Variants in GLYR1 observed in about 807,000 individuals in gnomAD.
GLYR1 encodes glyoxylate reductase 1 homolog.
A neutral mutation model predicts 72.7 loss-of-function variants in GLYR1; 21 were observed. The observed-to-expected ratio is 0.29, with a 90% confidence interval of 0.20 to 0.42. The LOEUF (loss-of-function observed/expected upper bound fraction) is 0.42. Ranked by LOEUF, GLYR1 falls within the 10% of genes least tolerant of loss-of-function variation. The pLI is 1.00. For missense variants in GLYR1, 594 were observed against 712.1 expected (o/e 0.83, Z 1.89); for synonymous variants, 392 against 270.2 (o/e 1.45, Z -4.42).
At chr16:4,808,365 G>A (rs1443174656) in intron 15 of GLYR1, among the ~76,000 whole-genome samples, 1 of 152,202 alleles carries the variant, frequency 6.6e-6, no homozygotes, top group Non-Finnish European at 1.5e-5. Flanking sequence ...GGTAGGCTGA[G>A]GTGGGTGGAT....
At chr16:4,828,622 C>G (rs750309862) in intron 5 of GLYR1, among the ~76,000 whole-genome samples, 3 of 152,070 alleles carry the variant, frequency 2.0e-5, no homozygotes, top group Non-Finnish European at 2.9e-5. Context: ...CTCTGGGGTT[C>G]TCACTGTACA....
rs939340607 is a variant in GLYR1 at position 4,803,858 on chromosome 16, C to A, written c.*1378G>T. The A allele has an allele frequency of 6.6e-6, 1 of 152,240 alleles. No homozygotes were observed. The highest frequency in any genetic ancestry group is 1.5e-5 in the Non-Finnish European group (1 of 68,036). The allele number at this position is 152,240 out of a possible 1,614,324, so 9.4% of individuals were successfully genotyped here. A position where few individuals can be genotyped will look rare whatever the true frequency, so the allele number is the denominator to read the frequency against. On this transcript the variant is annotated 3_prime_UTR_variant, in exon 16 of 16. Coordinates refer to ENST00000321919, the MANE Select transcript of GLYR1 (RefSeq NM_032569.4). The stretch of plus-strand genomic sequence containing the variant: ...TCTGCAAATTATGATTTTGGAAAAT[C>A]CAACCCATGCAGAGGGATAAAAAAC...
At chr16:4,846,232 A>C in intron 1 of GLYR1, 22 bp from the exon 2 acceptor site, 1 of 1,613,768 alleles carries the variant, frequency 6.2e-7, no homozygotes, top group Non-Finnish European at 8.5e-7. Context: ...ACAAAGAGTC[A>C]ACACTTGCCC....
intron 15 of GLYR1, among the ~76,000 whole-genome samples, chr16:4,806,795 ATTCT>A (rs2083006452): frequency 6.6e-6 from 1 of 151,182 alleles, no homozygotes; most frequent in Non-Finnish European, 1.5e-5. Flanking sequence ...TGAAACTGGA[ATTCT>A]TTTTTCTTTT....
intron 5 of GLYR1, among the ~76,000 whole-genome samples, chr16:4,830,404 G>C (rs1394706649): frequency 1.3e-5 from 2 of 152,054 alleles, no homozygotes; most frequent in Non-Finnish European, 2.9e-5. Context: ...GGCAGAAGCT[G>C]GCTAGAACCC....
In GLYR1 at chr16:4,812,126, G is replaced by C; in HGVS notation, c.1242C>G (p.Ser414Arg). The change falls in exon 13 of 16, where the codon AGC (serine) becomes AGG (arginine). Residue 414 changes from serine (S) to arginine (R), a missense_variant. Coordinates refer to ENST00000321919, the MANE Select transcript of GLYR1 (RefSeq NM_032569.4). ...AGDRGLYEDC[S>R]SCFQAMGKTS... is the part of the protein sequence containing the mutation. ...TCTTCCCCATCGCCTGGAAGCAGCT[G>C]CTGCAGTCCTCATATAAGCCCCTGT... 6.2e-7 allele frequency: 1 copy of C among 1,614,182 alleles called. No homozygotes were observed. Among genetic ancestry groups the C allele is most frequent in the African/African-American group, 1.3e-5 (1 of 75,054 alleles).
chr16:4,813,706 G>T, intron 12 of GLYR1, 31 bp downstream of exon 12: 1 of 1,540,376 alleles, frequency 6.5e-7, no homozygotes, highest in Non-Finnish European at 8.8e-7. Flanking sequence ...TAGAAAAGAT[G>T]CTGGAGAGCC....
intron 1 of GLYR1, chr16:4,846,885 G>C: frequency 2.7e-6 from 1 of 373,770 alleles, no homozygotes; most frequent in Non-Finnish European, 4.8e-6. Flanking sequence ...TCTGCTTTCT[G>C]GGAAGCCCCA....
chr16:4,827,102 C>T (rs1254783333), intron 5 of GLYR1, among the ~76,000 whole-genome samples: 2 of 152,242 alleles, frequency 1.3e-5, no homozygotes, highest in African/African-American at 4.8e-5. Flanking sequence ...AGACGCAAAC[C>T]CAGCCTTTCC....
chr16:4,824,511 A>AG (rs1391506015), intron 5 of GLYR1, among the ~76,000 whole-genome samples: 2 of 151,404 alleles, frequency 1.3e-5, no homozygotes, highest in South Asian at 2.1e-4. Context: ...AAAAAAAAAA[A>AG]AAAAGAAAAA....
chr16:4,806,918 T>G (rs1308072255), intron 15 of GLYR1, among the ~76,000 whole-genome samples: 3 of 148,410 alleles, frequency 2.0e-5, no homozygotes, highest in Non-Finnish European at 4.5e-5. Context: ...GCCATTCTCC[T>G]GCTTCAGCCT....
At chr16:4,817,525 C>G in intron 10 of GLYR1, 73 bp downstream of exon 10, 1 of 880,462 alleles carries the variant, frequency 1.1e-6, no homozygotes, top group Non-Finnish European at 1.9e-6. Flanking sequence ...GCTGAGACAA[C>G]AGGGGGAGAT....
Position 4,841,977 on chromosome 16 carries a change from C to A in GLYR1, c.155+3097G>T, listed in dbSNP as rs999547212. Among the ~76,000 whole-genome samples the A allele has an allele frequency of 7.2e-5, 11 of 152,288 alleles. No homozygotes were observed. The East Asian group carries it at 1.9e-3, about 27-fold the overall frequency. The stretch of plus-strand genomic sequence containing the variant: ...CCATCTCTGGCTGAGTGCGATGGCT[C>A]ACGCCTGTAATCCCAGCACTTTGGG... On this transcript the variant is annotated intron_variant, in intron 3 of 15. Transcript: ENST00000321919.
intron 3 of GLYR1, among the ~76,000 whole-genome samples, chr16:4,834,706 T>G (rs565021933): frequency 6.6e-6 from 1 of 152,002 alleles, no homozygotes; most frequent in Admixed American, 6.6e-5. Flanking sequence ...CCTCCAGTGA[T>G]CCACCTGCCT....
At chr16:4,817,908 TAAA>T (rs2083751588) in intron 9 of GLYR1, 1 of 527,174 alleles carries the variant, frequency 1.9e-6, no homozygotes, top group South Asian at 2.3e-5. Context: ...TCCCAGGATG[TAAA>T]CAGGCATTTT....
Position 4,832,694 on chromosome 16 carries a change from T to C in GLYR1, c.294+80A>G, listed in dbSNP as rs142687858. The C allele has an allele frequency of 4.7e-4, 684 of 1,443,060 alleles. 4 individuals are homozygous for C. In the African/African-American group the frequency reaches 8.2e-3, roughly 17 times the overall value. 89.4% of individuals were successfully genotyped at this position (1,443,060 alleles called of 1,614,324 possible). A position where few individuals can be genotyped will look rare whatever the true frequency, so the allele number is the denominator to read the frequency against. On this transcript the variant is annotated intron_variant, in intron 4 of 15. Transcript: ENST00000321919. ...TTTCAGAAGAACAAAGGTTTGCGTT[T>C]GGGTGACATTTAATCTGTTAGTTGC...
Position 4,846,199 on chromosome 16 carries a change from C to A in GLYR1, c.50G>T (p.Gly17Val). The A allele has an allele frequency of 6.2e-7, 1 of 1,613,940 alleles. No individual in the cohort carries two copies. The highest frequency in any genetic ancestry group is 8.5e-7 in the Non-Finnish European group (1 of 1,179,882). The change falls in exon 2 of 16, where the codon GGC (glycine) becomes GTC (valine). Residue 17 changes from glycine (G) to valine (V), a missense_variant. Gly to Val is a moderately radical substitution (Grantham distance 109). Around this residue, in one of 5 missense-constraint regions of GLYR1, gnomAD observed 62 missense variants for 82.5 expected, o/e 0.75. Transcript: ENST00000321919. ...CTTTCCTGGCCAAGGAGGATATCGG[C>A]CGAGTTTCCCCCTAGAGAAAACACA... is the stretch of plus-strand genomic sequence containing the variant. ...RLGDLVWGKL[G>V]RYPPWPGKIV...
chr16:4,830,426 C>T (rs76824510), intron 5 of GLYR1, among the ~76,000 whole-genome samples: 210 of 152,236 alleles, frequency 1.4e-3, no homozygotes, highest in Non-Finnish European at 2.2e-3. Flanking sequence ...GTGGACAGAG[C>T]ATGACCTCCC....
chr16:4,844,760 A>G (rs1325276317), intron 3 of GLYR1, among the ~76,000 whole-genome samples: 1 of 152,246 alleles, frequency 6.6e-6, no homozygotes, highest in African/African-American at 2.4e-5. Flanking sequence ...CTCTGTCTCA[A>G]AAACAAACAA....
Sources: allele counts gnomAD v4.1 joint callset (sites outside exome capture counted in the v4.1 genomes callset), GRCh38; gene constraint gnomAD v4.1.1; regional missense constraint gnomAD v4.1.1; transcripts MANE v1.5; gene names NCBI Gene and HGNC (gene_info 2026-07-23, HGNC 2026-07-21).